OCIAD1: variants seen among roughly 807,000 people sequenced by gnomAD.
OCIAD1 encodes the protein OCIA domain-containing protein 1.
Under a neutral mutation model 38.9 loss-of-function variants are expected in OCIAD1, and 29 were observed. The observed-to-expected ratio is 0.74, with a 90% CI of 0.55 to 1.02. The LOEUF (loss-of-function observed/expected upper bound fraction) is 1.02. OCIAD1 is among the 50% of genes least tolerant of loss of function. The pLI is 0.00. For missense variants in OCIAD1, 288 were observed against 289.6 expected, an observed-to-expected ratio of 0.99 and a Z score of 0.04; for synonymous variants, 110 against 92.0, an observed-to-expected ratio of 1.20 and a Z score of -1.12.
intron 1 of OCIAD1, among the ~76,000 whole-genome samples, chr4:48,816,420 C>G (rs1305461159): frequency 6.7e-6 from 1 of 150,112 alleles, no homozygotes; most frequent in African/African-American, 2.5e-5. Flanking sequence ...GTAGTCCCAG[C>G]TACTCAGGAG....
chr4:48,831,614 C>A, intron 1 of OCIAD1: 2 of 1,171,000 alleles, frequency 1.7e-6, no homozygotes, highest in Non-Finnish European at 1.1e-6. Context: ...TCTTAAGCGC[C>A]GTGTCAGCCC....
At chr4:48,832,723 A>G in intron 2 of OCIAD1, 41 bp downstream of exon 2, 2 of 1,469,252 alleles carry the variant, frequency 1.4e-6, no homozygotes, top group South Asian at 2.3e-5. Context: ...AGCACTTCCT[A>G]TGTAAAGGAA....
At chr4:48,822,943 G>A (rs1446524664) in intron 1 of OCIAD1, among the ~76,000 whole-genome samples, 1 of 152,198 alleles carries the variant, frequency 6.6e-6, no homozygotes, top group African/African-American at 2.4e-5. Flanking sequence ...CTGTTGGTGG[G>A]AGTGTAAATT....
intron 1 of OCIAD1, among the ~76,000 whole-genome samples, chr4:48,822,878 A>T (rs1674212627): frequency 6.6e-6 from 1 of 152,262 alleles, no homozygotes; most frequent in Non-Finnish European, 1.5e-5. Context: ...ATTATTAAAA[A>T]GTCAGGAGAC....
intron 1 of OCIAD1, among the ~76,000 whole-genome samples, chr4:48,822,608 A>G (rs1271269801): frequency 6.6e-6 from 1 of 152,198 alleles, no homozygotes; most frequent in East Asian, 1.9e-4. Flanking sequence ...TGAACAGGCA[A>G]CCTACAGAAT....
chr4:48,824,623 G>A (rs1777230213), intron 1 of OCIAD1, among the ~76,000 whole-genome samples: 1 of 151,952 alleles, frequency 6.6e-6, no homozygotes, highest in African/African-American at 2.4e-5. Flanking sequence ...CTGGCCTCAA[G>A]CGATCCTCCT....
intron 1 of OCIAD1, among the ~76,000 whole-genome samples, chr4:48,813,783 G>T (rs1777114814): frequency 6.6e-6 from 1 of 152,214 alleles, no homozygotes; most frequent in Non-Finnish European, 1.5e-5. Context: ...TTTGGCTTAT[G>T]TCAAAGTTTT....
chr4:48,818,390 G>C (rs542514332), intron 1 of OCIAD1, among the ~76,000 whole-genome samples: 92 of 152,160 alleles, frequency 6.0e-4, no homozygotes, highest in African/African-American at 2.2e-3. Flanking sequence ...TCAGCATAAA[G>C]GACCCCCACG....
At chr4:48,805,928 A>T (rs1262036282) in intron 1 of OCIAD1, among the ~76,000 whole-genome samples, 7 of 152,298 alleles carry the variant, frequency 4.6e-5, no homozygotes, top group African/African-American at 1.7e-4. Flanking sequence ...AATTTTCTTC[A>T]TTCAGTTTCA....
intron 7 of OCIAD1, chr4:48,856,853 TC>T (rs1780084736): frequency 6.5e-6 from 1 of 153,746 alleles, no homozygotes; most frequent in Non-Finnish European, 1.4e-5. Flanking sequence ...AATATATTTC[TC>T]TTTTAATTCT....
Position 48,857,321 on chromosome 4 carries a change from A to AC in OCIAD1, c.660dup (p.Ser221LeufsTer7), listed in dbSNP as rs888830517. 6.3e-7 allele frequency: 1 copy of AC among 1,596,864 alleles called. No individual in the cohort carries two copies. The highest frequency in any genetic ancestry group is 1.3e-5 in the African/African-American group (1 of 74,160). ...GAAGTATCTTTAACACAAAAGACTG[A>AC]CCCCTCAGTCAGGCCTATGCATGAA... is the stretch of plus-strand genomic sequence containing the variant. On this transcript the variant is annotated frameshift_variant, in exon 8 of 9. Transcript: ENST00000264312. LOFTEE classifies it high-confidence loss of function.
chr4:48,859,097 C>T (rs1212354046), intron 8 of OCIAD1, among the ~76,000 whole-genome samples: 1 of 152,000 alleles, frequency 6.6e-6, no homozygotes, highest in Non-Finnish European at 1.5e-5. Context: ...ACATGAAAGT[C>T]CTTAGTATTT....
intron 1 of OCIAD1, among the ~76,000 whole-genome samples, chr4:48,806,338 C>A (rs1278899855): frequency 2.6e-5 from 4 of 152,116 alleles, no homozygotes; most frequent in African/African-American, 9.7e-5. Flanking sequence ...TTGATTAAAA[C>A]ACCTTTTTGG....
chr4:48,809,234 T>C (rs1315361166), intron 1 of OCIAD1, among the ~76,000 whole-genome samples: 1 of 152,116 alleles, frequency 6.6e-6, no homozygotes, highest in African/African-American at 2.4e-5. Context: ...AAGATAAAAA[T>C]GTAAAGGCCA....
In OCIAD1 at chr4:48,832,895, A is replaced by G. The variant is rs1165463338; in HGVS notation, c.58+213A>G. The G allele has an allele frequency of 7.3e-6, 4 of 548,572 alleles. No homozygotes were observed. In the East Asian group the frequency reaches 1.2e-4, roughly 17 times the overall value. The allele number at this position is 548,572 out of a possible 1,614,324, so 34.0% of individuals were successfully genotyped here. ...TATTTTGCACTGGGCCCAGCACATT[A>G]GGTAGCCAGTCCTGACTAGCAGATA... On this transcript the variant is annotated intron_variant, in intron 2 of 8. Transcript: ENST00000264312.
intron 5 of OCIAD1, 21 bp from the exon 6 acceptor site, chr4:48,849,926 T>A: frequency 6.3e-7 from 1 of 1,586,350 alleles, no homozygotes; most frequent in Non-Finnish European, 8.5e-7. Context: ...GTTACACTTT[T>A]TGTTTGATTT....
At chr4:48,822,057 A>G (rs1777200100) in intron 1 of OCIAD1, among the ~76,000 whole-genome samples, 1 of 152,218 alleles carries the variant, frequency 6.6e-6, no homozygotes, top group Non-Finnish European at 1.5e-5. Flanking sequence ...TAAATTTCAT[A>G]TGGAACCAAA....
chr4:48,852,237 T>C, intron 7 of OCIAD1: 1 of 330,640 alleles, frequency 3.0e-6, no homozygotes, highest in Non-Finnish European at 5.4e-6. Context: ...TGTTAGAAGA[T>C]ATAGAAATAC....
chr4:48,815,679 C>G (rs1284120059), intron 1 of OCIAD1, among the ~76,000 whole-genome samples: 1 of 152,216 alleles, frequency 6.6e-6, no homozygotes, highest in African/African-American at 2.4e-5. Flanking sequence ...TCTCAAATCT[C>G]TACTCCACTG....
Sources: allele counts gnomAD v4.1 joint callset (sites outside exome capture counted in the v4.1 genomes callset), GRCh38; gene constraint gnomAD v4.1.1; transcripts MANE v1.5; gene names NCBI Gene and HGNC (gene_info 2026-07-23, HGNC 2026-07-21).